Variants in HMCN1 observed in about 807,000 individuals in gnomAD.
HMCN1 encodes the protein hemicentin 1.
Under a neutral mutation model 625.9 loss-of-function variants are expected in HMCN1, and 321 were observed. That is an observed-to-expected ratio of 0.51 (90% CI 0.47 to 0.56). The LOEUF is 0.56. Among genes scored for constraint, HMCN1 ranks in the 20% least tolerant of loss-of-function variants. HMCN1 has a pLI of 0.00. For missense variants in HMCN1, 6,588 were observed against 6,887.3 expected, an observed-to-expected ratio of 0.96 and a Z score of 1.54; for synonymous variants, 2,425 against 2,417.6, an observed-to-expected ratio of 1.00 and a Z score of -0.09.
At chr1:185,790,156 A>G (rs1477754222) in intron 1 of HMCN1, among the ~76,000 whole-genome samples, 1 of 152,226 alleles carries the variant, frequency 6.6e-6, no homozygotes, top group Non-Finnish European at 1.5e-5. Context: ...TGCTGCTACA[A>G]CTAACAAGCC....
intron 1 of HMCN1, among the ~76,000 whole-genome samples, chr1:185,741,855 A>T (rs1654015801): frequency 6.6e-6 from 1 of 152,234 alleles, no homozygotes; most frequent in Admixed American, 6.5e-5. Context: ...AGGATTTGGA[A>T]ATCTTTGTAA....
intron 98 of HMCN1, 71 bp from the exon 99 acceptor site, chr1:186,166,113 A>AAAGC: frequency 6.4e-7 from 1 of 1,569,308 alleles, no homozygotes; most frequent in South Asian, 1.1e-5. Flanking sequence ...AGTTATTTTT[A>AAAGC]CTGGCTTTAA....
In HMCN1 at chr1:186,093,609, A is replaced by G. The variant is rs779434189; in HGVS notation, c.10136A>G (p.Asn3379Ser). The change falls in exon 66 of 107, where the codon AAT (asparagine) becomes AGT (serine). Residue 3379 changes from asparagine (N) to serine (S), a missense_variant. By Grantham distance (46) the Asn-to-Ser change is conservative (BLOSUM62 1). Coordinates refer to ENST00000271588, the MANE Select transcript of HMCN1 (RefSeq NM_031935.3). The part of the protein sequence containing the change: ...TPPPQINWLK[N>S]GLPLPLSSHI... ...CCACCACAGATAAACTGGCTGAAGA[A>G]TGGACTTCCTCTGCCTCTCTCCTCC... 1 of 1,613,472 alleles carries G rather than the reference A, an allele frequency of 6.2e-7. No homozygotes were observed.
At chr1:185,797,648 A>G (rs1464024179) in intron 1 of HMCN1, among the ~76,000 whole-genome samples, 1 of 152,160 alleles carries the variant, frequency 6.6e-6, no homozygotes, top group East Asian at 1.9e-4. Context: ...GTTGTTTTAT[A>G]GTCTCATTTA....
At chr1:185,913,643 T>C (rs1666547013) in intron 6 of HMCN1, among the ~76,000 whole-genome samples, 1 of 152,140 alleles carries the variant, frequency 6.6e-6, no homozygotes, top group Non-Finnish European at 1.5e-5. Context: ...AGCAATTTAT[T>C]GTGCAGTACT....
At chr1:185,876,335 T>C (rs1263871522) in intron 4 of HMCN1, among the ~76,000 whole-genome samples, 1 of 152,168 alleles carries the variant, frequency 6.6e-6, no homozygotes, top group African/African-American at 2.4e-5. Context: ...CTTTGGTTTA[T>C]TCCATGACTT....
intron 1 of HMCN1, among the ~76,000 whole-genome samples, chr1:185,819,872 G>A (rs1660079242): frequency 6.6e-6 from 1 of 152,118 alleles, no homozygotes; most frequent in South Asian, 2.1e-4. Context: ...CTGAAATGTA[G>A]TTTTATTTTC....
intron 102 of HMCN1, among the ~76,000 whole-genome samples, chr1:186,173,761 ACT>A (rs1558281423): frequency 2.6e-5 from 4 of 152,156 alleles, no homozygotes; most frequent in Non-Finnish European, 4.4e-5. Context: ...TATAAGCTTA[ACT>A]AGACATGAGT....
chr1:185,864,430 T>C lies in HMCN1; in HGVS notation c.340-40T>C, dbSNP rs560808477. On this transcript the variant is annotated intron_variant, in intron 2 of 106. Transcript: ENST00000271588. The stretch of plus-strand genomic sequence containing the variant: ...TTATAACCAAAATATTCAATTGTTT[T>C]TGATGATGACGTAATTGAATTTTTC... The C allele has an allele frequency of 1.4e-5, 23 of 1,601,430 alleles. No homozygotes were observed. In the South Asian group the frequency reaches 2.4e-4, roughly 17 times the overall value.
At chr1:186,163,344 G>T (rs773763589) in intron 97 of HMCN1, among the ~76,000 whole-genome samples, 2 of 152,216 alleles carry the variant, frequency 1.3e-5, no homozygotes, top group Non-Finnish European at 2.9e-5. Context: ...GGAACTCCCT[G>T]ACCTCTTGCA....
chr1:186,134,713 A>G (rs1422292686), intron 86 of HMCN1, among the ~76,000 whole-genome samples: 3 of 152,160 alleles, frequency 2.0e-5, no homozygotes, highest in Non-Finnish European at 2.9e-5. Flanking sequence ...TTTGTATTCT[A>G]TTTATTCTAG....
chr1:185,841,770 A>C (rs1416723180), intron 1 of HMCN1, among the ~76,000 whole-genome samples: 1 of 152,170 alleles, frequency 6.6e-6, no homozygotes, highest in Admixed American at 6.5e-5. Context: ...TTGGCTAATC[A>C]CTTAAGCTTC....
At chr1:185,957,122 C>G (rs1291786929) in intron 11 of HMCN1, 1 of 152,142 alleles carries the variant, frequency 6.6e-6, no homozygotes, top group Non-Finnish European at 1.5e-5. Context: ...ATCACATCAG[C>G]AGTTAGAAAT....
intron 83 of HMCN1, among the ~76,000 whole-genome samples, chr1:186,129,246 C>T (rs1010742005): frequency 4.0e-5 from 6 of 150,880 alleles, no homozygotes; most frequent in Non-Finnish European, 7.4e-5. Context: ...GGTAAACATA[C>T]GTATTTAGAT....
intron 1 of HMCN1, among the ~76,000 whole-genome samples, chr1:185,761,317 C>G (rs897882112): frequency 1.3e-5 from 2 of 152,078 alleles, no homozygotes; most frequent in African/African-American, 4.8e-5. Context: ...TCTTCTGAGG[C>G]CCAGTGTAGA....
chr1:186,006,136 C>CAA (rs34375658), intron 29 of HMCN1, among the ~76,000 whole-genome samples: 27 of 64,334 alleles, frequency 4.2e-4, no homozygotes, highest in Middle Eastern at 9.4e-3. Context: ...GACTTCATTT[C>CAA]AAAAAAAAAA....
At chr1:185,800,216 C>G (rs763610589) in intron 1 of HMCN1, among the ~76,000 whole-genome samples, 1 of 152,218 alleles carries the variant, frequency 6.6e-6, no homozygotes, top group African/African-American at 2.4e-5. Flanking sequence ...GCCCTAGCTC[C>G]CAGTAATCTC....
chr1:185,963,988 T>A, intron 13 of HMCN1, 93 bp downstream of exon 13: 1 of 1,003,334 alleles, frequency 1.0e-6, no homozygotes, highest in Non-Finnish European at 1.6e-6. Flanking sequence ...ATATTAGTAA[T>A]GCATACATGG....
At chr1:186,099,752 C>A (rs1660302637) in intron 68 of HMCN1, among the ~76,000 whole-genome samples, 1 of 152,096 alleles carries the variant, frequency 6.6e-6, no homozygotes, top group Non-Finnish European at 1.5e-5. Flanking sequence ...ATACATTTCT[C>A]ACCTGGAGGT....
Sources: gnomAD v4.1 joint callset for allele counts (sites outside exome capture counted in the v4.1 genomes callset) on GRCh38, gnomAD v4.1.1 for gene constraint, MANE v1.5 for transcripts, NCBI Gene and HGNC (gene_info 2026-07-23, HGNC 2026-07-21) for gene names.